The following STARD13 variants were observed in gnomAD, a reference collection of about 807,000 sequenced individuals.
STARD13 encodes StAR related lipid transfer domain containing 13, also known as stAR-related lipid transfer protein 13.
A neutral mutation model predicts 106.4 loss-of-function variants in STARD13; 62 were observed. The observed-to-expected ratio is 0.58, with a 90% CI of 0.48 to 0.72. The LOEUF (loss-of-function observed/expected upper bound fraction) is 0.72, where lower values mean the gene tolerates loss of function less well. STARD13 is among the 30% of genes least tolerant of loss of function. STARD13 has a pLI of 0.00. For synonymous variants in STARD13, 565 were observed against 553.0 expected (o/e 1.02, Z -0.31); for missense variants, 1,387 against 1,424.0 (o/e 0.97, Z 0.42).
chr13:33,137,867 G>T (rs1028578597), intron 4 of STARD13, among the ~76,000 whole-genome samples: 2 of 150,036 alleles, frequency 1.3e-5, no homozygotes, highest in Non-Finnish European at 3.0e-5. Context: ...GCTCTTTGGA[G>T]TTGCCAGGAG....
Position 33,144,411 on chromosome 13 carries a change from C to T in STARD13, c.324-2038G>A, listed in dbSNP as rs887871065. On this transcript the variant is annotated intron_variant, in intron 3 of 13. Transcript: ENST00000336934. ...CTTTGGCCCTAATTCAGTCTCCTGT[C>T]GTTGTTTATCAAGAGTCAGGCATCA... 5.9e-5 allele frequency among the ~76,000 whole-genome samples: 9 copies of T among 152,194 alleles called. 1 individual carries two copies. The highest frequency in any genetic ancestry group is 2.1e-4 in the South Asian group (1 of 4,826).
chr13:33,487,972 A>G, the STARD13 span, among the ~76,000 whole-genome samples: 4 of 152,170 alleles, frequency 2.6e-5, no homozygotes, highest in African/African-American at 9.7e-5. Flanking sequence ...CTGGTCTTCC[A>G]GGGCAGCTTC....
intron 1 of STARD13, among the ~76,000 whole-genome samples, chr13:33,338,162 T>C (rs900011413): frequency 1.3e-5 from 2 of 152,146 alleles, no homozygotes; most frequent in Non-Finnish European, 2.9e-5. Context: ...GTGACACTGG[T>C]AGGTTTCCTA....
At chr13:33,444,574 T>C in the STARD13 span, among the ~76,000 whole-genome samples, 11 of 152,116 alleles carry the variant, frequency 7.2e-5, no homozygotes, top group African/African-American at 2.7e-4. Flanking sequence ...GAGATCAGCC[T>C]GGGAAACATG....
intron 1 of STARD13, among the ~76,000 whole-genome samples, chr13:33,201,966 T>A (rs1887068424): frequency 6.6e-6 from 1 of 151,978 alleles, no homozygotes; most frequent in Non-Finnish European, 1.5e-5. Context: ...TTTTTCATAT[T>A]ATTTATAAAT....
At chr13:33,585,599 TGGGA>T in the STARD13 span, among the ~76,000 whole-genome samples, 1 of 151,956 alleles carries the variant, frequency 6.6e-6, no homozygotes, top group Non-Finnish European at 1.5e-5. Context: ...CACACTGAGG[TGGGA>T]GGATCACTTG....
At chr13:33,309,720 C>T (rs983207845) in intron 1 of STARD13, among the ~76,000 whole-genome samples, 2 of 152,142 alleles carry the variant, frequency 1.3e-5, no homozygotes, top group East Asian at 1.9e-4. Context: ...GAATTTGCAA[C>T]GTTTCTTAGA....
At chr13:33,147,159 A>G (rs1386929060) in intron 3 of STARD13, among the ~76,000 whole-genome samples, 2 of 152,266 alleles carry the variant, frequency 1.3e-5, no homozygotes, top group Non-Finnish European at 2.9e-5. Context: ...TGGTAATAAC[A>G]GTTGAGCCAA....
At chr13:33,320,550 T>C (rs1470026916) in intron 1 of STARD13, among the ~76,000 whole-genome samples, 1 of 152,222 alleles carries the variant, frequency 6.6e-6, no homozygotes, top group Non-Finnish European at 1.5e-5. Context: ...ATGTTTTCAG[T>C]CCTCCTCTCA....
chr13:33,283,006 G>A (rs957669414), intron 1 of STARD13, among the ~76,000 whole-genome samples: 6 of 152,062 alleles, frequency 3.9e-5, no homozygotes, highest in Middle Eastern at 3.2e-3. Context: ...CTCCAGCCTC[G>A]GCGACAGAGT....
At chr13:33,394,979 C>T in the STARD13 span, among the ~76,000 whole-genome samples, 10 of 152,308 alleles carry the variant, frequency 6.6e-5, no homozygotes, top group African/African-American at 1.9e-4. Context: ...GAAATTGTAA[C>T]GGGCCTTGTG....
the STARD13 span, among the ~76,000 whole-genome samples, chr13:33,460,125 A>G: frequency 2.0e-5 from 3 of 151,822 alleles, no homozygotes; most frequent in Non-Finnish European, 1.5e-5. Context: ...GTCTTCAACT[A>G]TTTTTTTCTG....
intron 1 of STARD13, among the ~76,000 whole-genome samples, chr13:33,296,503 T>C (rs769097452): frequency 8.5e-5 from 13 of 152,160 alleles, no homozygotes; most frequent in Non-Finnish European, 1.8e-4. Context: ...AGAGTCTTAT[T>C]AATTATAGTC....
chr13:33,615,251 G>A, the STARD13 span, among the ~76,000 whole-genome samples: 1 of 152,144 alleles, frequency 6.6e-6, no homozygotes, highest in Non-Finnish European at 1.5e-5. Context: ...GAGGGTGGGA[G>A]TCAATTTGGC....
At chr13:33,479,209 C>A in the STARD13 span, among the ~76,000 whole-genome samples, 1 of 152,114 alleles carries the variant, frequency 6.6e-6, no homozygotes, top group Non-Finnish European at 1.5e-5. Flanking sequence ...ATTAGATAAG[C>A]AAAATGCCAA....
chr13:33,463,285 C>G, the STARD13 span, among the ~76,000 whole-genome samples: 64 of 152,272 alleles, frequency 4.2e-4, 1 homozygote, highest in South Asian at 1.7e-3. Flanking sequence ...CCCAGAGGAA[C>G]AGCTCAGAGG....
chr13:33,276,146 G>A (rs1157066899), intron 1 of STARD13: 1 of 152,176 alleles, frequency 6.6e-6, no homozygotes, highest in Non-Finnish European at 1.5e-5. Context: ...TACAGCAAGT[G>A]GAATGGAATG....
the STARD13 span, among the ~76,000 whole-genome samples, chr13:33,577,090 C>T: frequency 6.6e-6 from 1 of 152,290 alleles, no homozygotes; most frequent in South Asian, 2.1e-4. Context: ...TTACCACAAT[C>T]CTAATTAGTA....
chr13:33,202,369 G>T (rs736596), intron 1 of STARD13, among the ~76,000 whole-genome samples: 14,432 of 152,172 alleles, frequency 0.095, 758 homozygotes, highest in East Asian at 0.27. Context: ...ACACAAAAAT[G>T]GGTACCAGGG....
Sources: gnomAD v4.1 joint callset for allele counts (sites outside exome capture counted in the v4.1 genomes callset) on GRCh38, gnomAD v4.1.1 for gene constraint, MANE v1.5 for transcripts, NCBI Gene and HGNC (gene_info 2026-07-23, HGNC 2026-07-21) for gene names.